Variants in SUZ12 observed in about 807,000 individuals in gnomAD.
The protein encoded by SUZ12 is polycomb protein SUZ12.
SUZ12 carries 17 observed loss-of-function variants against 87.3 expected under a neutral mutation model. The ratio of observed to expected loss-of-function variants is 0.19; its 90% CI spans 0.13 to 0.29. The LOEUF is 0.29. Among genes scored for constraint, SUZ12 ranks in the 10% least tolerant of loss-of-function variants. The pLI, the probability that SUZ12 is intolerant of heterozygous loss-of-function variation, is 1.00. For synonymous variants in SUZ12, 253 were observed against 312.4 expected, an observed-to-expected ratio of 0.81 and a Z score of 2.01; for missense variants, 526 against 912.2, an observed-to-expected ratio of 0.58 and a Z score of 5.45.
chr17:31,988,376 T>G lies in SUZ12; in HGVS notation c.1080T>G (p.Arg360=). ...SQGPTLQFTL[R]WTGETNDKST... is the part of the protein sequence containing the mutation. ...GACCTACGTTGCAGTTCACTCTTCG[T>G]TGGACAGGAGAGACCAATGATAAAT... is the stretch of plus-strand genomic sequence containing the variant. The change falls in exon 10 of 16, where the codon CGT becomes CGG. Residue 360 remains arginine (R), a synonymous_variant. Coordinates refer to ENST00000322652, the MANE Select transcript of SUZ12 (RefSeq NM_015355.4). 1 of 1,607,424 alleles carries G rather than the reference T, an allele frequency of 6.2e-7. No homozygotes were observed. The highest frequency in any genetic ancestry group is 8.5e-7 in the Non-Finnish European group (1 of 1,177,712).
chr17:31,943,340 T>C (rs1906418406), intron 3 of SUZ12, among the ~76,000 whole-genome samples: 1 of 152,172 alleles, frequency 6.6e-6, no homozygotes, highest in Non-Finnish European at 1.5e-5. Flanking sequence ...GTACTTAATT[T>C]TAAAAGAAAG....
chr17:31,999,150 AG>A lies in SUZ12; in HGVS notation c.*150del. 2 of 624,280 alleles carry A rather than the reference AG, an allele frequency of 3.2e-6. No homozygotes were observed. The highest frequency in any genetic ancestry group is 3.0e-5 in the East Asian group (1 of 33,542). The allele number at this position is 624,280 out of a possible 1,614,324, so 38.7% of individuals were successfully genotyped here. On this transcript the variant is annotated 3_prime_UTR_variant, in exon 16 of 16. Transcript: ENST00000322652. ...TGATTTCAACAAGGATATTTGTATC[AG>A]GGTTCTACTTCACTTCATTATGCAG...
intron 6 of SUZ12, 115 bp from the exon 7 acceptor site, chr17:31,975,367 A>G: frequency 4.5e-6 from 3 of 673,440 alleles, no homozygotes; most frequent in Non-Finnish European, 7.1e-6. Context: ...TTAACATTCC[A>G]TTTGGTGATC....
chr17:31,968,589 G>A (rs1243216824), intron 5 of SUZ12, among the ~76,000 whole-genome samples: 2 of 152,156 alleles, frequency 1.3e-5, no homozygotes, highest in Non-Finnish European at 2.9e-5. Context: ...AGCAGCTAAT[G>A]TAACTTCTAG....
chr17:31,966,839 C>T (rs1430318974), intron 5 of SUZ12: 1 of 152,126 alleles, frequency 6.6e-6, no homozygotes, highest in Non-Finnish European at 1.5e-5. Flanking sequence ...TGGTATATTA[C>T]TCCAGTAAAA....
chr17:31,993,726 G>A, intron 11 of SUZ12, 139 bp from the exon 12 acceptor site: 2 of 903,118 alleles, frequency 2.2e-6, no homozygotes, highest in South Asian at 3.7e-5. Context: ...CGCGTCACTG[G>A]GCATATTTAA....
chr17:31,971,815 C>T (rs368713297), intron 5 of SUZ12, among the ~76,000 whole-genome samples: 1 of 152,114 alleles, frequency 6.6e-6, no homozygotes, highest in South Asian at 2.1e-4. Context: ...AGTGTATTAT[C>T]ATAAATGTTA....
rs975180168 is a variant in SUZ12, at chr17:31,990,866, G to A, written c.1201+2369G>A. 4.6e-5 allele frequency among the ~76,000 whole-genome samples: 7 copies of A among 151,948 alleles called. No homozygotes were observed. In the South Asian group the frequency reaches 6.2e-4, roughly 14 times the overall value. On this transcript the variant is annotated intron_variant, in intron 10 of 15. Coordinates refer to ENST00000322652, the MANE Select transcript of SUZ12 (RefSeq NM_015355.4). ...AGGCTCAAGCGATCCTCCCACCTTA[G>A]CCCTCCATATAGATGGGACTACAGG...
At position 31,995,690 on chromosome 17, in the gene SUZ12, C is replaced by T. The variant is rs1474406140; in HGVS notation, c.1722C>T (p.Leu574=). The change falls in exon 14 of 16, where the codon CTC becomes CTT. Residue 574 remains leucine (L), a synonymous_variant. Transcript: ENST00000322652. ...TCCATAGTGATACCTGCTTACCTCT[C>T]CGTCCACAAGAAATGGAAGTAGATA... ...LYFHSDTCLP[L]RPQEMEVDSE... is the part of the protein sequence containing the mutation. 1.2e-6 allele frequency: 2 copies of T among 1,613,930 alleles called. No homozygotes were observed. The highest frequency in any genetic ancestry group is 2.7e-5 in the African/African-American group (2 of 74,898).
intron 4 of SUZ12, among the ~76,000 whole-genome samples, chr17:31,948,478 CAA>C (rs1445188814): frequency 1.3e-5 from 2 of 152,128 alleles, no homozygotes; most frequent in Non-Finnish European, 2.9e-5. Context: ...AAATTTGTCA[CAA>C]TGCATTTTTC....
intron 3 of SUZ12, among the ~76,000 whole-genome samples, chr17:31,945,845 A>C (rs1333187640): frequency 6.6e-6 from 1 of 152,210 alleles, no homozygotes; most frequent in Non-Finnish European, 1.5e-5. Flanking sequence ...CTTAATCATT[A>C]CATAAACATT....
chr17:31,966,158 A>G lies in SUZ12; in HGVS notation c.467A>G (p.His156Arg). 6.3e-7 allele frequency: 1 copy of G among 1,589,468 alleles called. No homozygotes were observed. The highest frequency in any genetic ancestry group is 1.2e-5 in the South Asian group (1 of 86,940). ...GEQESHSLSA[H>R]LQLTFTGFFH... ...TTTTTTTTTTTTAGCTTGTCAGCTC[A>G]TTTGCAGCTTACGTTTACTGGTTTC... The change falls in exon 5 of 16, where the codon CAT becomes CGT. Residue 156 changes from histidine (H) to arginine (R), a missense_variant. His to Arg is a conservative substitution (Grantham distance 29). Transcript: ENST00000322652.
chr17:31,965,555 T>G (rs1399157120), intron 4 of SUZ12: 1 of 152,228 alleles, frequency 6.6e-6, no homozygotes, highest in African/African-American at 2.4e-5. Flanking sequence ...AAATTATAGA[T>G]CTATACCAGA....
intron 10 of SUZ12, among the ~76,000 whole-genome samples, chr17:31,989,593 G>T (rs1005740877): frequency 6.7e-5 from 10 of 149,300 alleles, no homozygotes; most frequent in Non-Finnish European, 1.2e-4. Context: ...GTTTTTTTTT[G>T]TTTTTTTTGT....
At chr17:31,982,468 T>A (rs1288484596) in intron 8 of SUZ12, among the ~76,000 whole-genome samples, 1 of 152,186 alleles carries the variant, frequency 6.6e-6, no homozygotes, top group African/African-American at 2.4e-5. Context: ...AAGACCAGCC[T>A]GGCCAAGATG....
rs1567839781 is a variant in SUZ12 at position 31,995,549 on chromosome 17, A to C, written c.1596-15A>C. ...ATGTAGAGGCCATAAATCAACATTT[A>C]TTTCTTTTCATTAGGCCAAAACGAA... is the stretch of plus-strand genomic sequence containing the variant. On this transcript the variant is annotated splice_polypyrimidine_tract_variant and intron_variant, in intron 13 of 15. Transcript: ENST00000322652. 1.2e-6 allele frequency: 2 copies of C among 1,612,572 alleles called. No individual in the cohort carries two copies. Among genetic ancestry groups the C allele is most frequent in the Non-Finnish European group, 1.7e-6 (2 of 1,178,812 alleles).
chr17:31,938,948 C>G (rs983004542), intron 1 of SUZ12, among the ~76,000 whole-genome samples: 1 of 152,146 alleles, frequency 6.6e-6, no homozygotes, highest in African/African-American at 2.4e-5. Context: ...TGTAATTATT[C>G]ACATAGTTAT....
intron 8 of SUZ12, among the ~76,000 whole-genome samples, chr17:31,980,365 G>A (rs1400726938): frequency 7.7e-6 from 1 of 129,412 alleles, no homozygotes; most frequent in Non-Finnish European, 1.6e-5. Context: ...TCTGTGTCCT[G>A]TTTTGTTGCT....
rs1212601111 is a variant in SUZ12 at position 32,000,448 on chromosome 17, C to T, written c.*1445C>T. ...GTGATTTGTCATCCAGTATTAAGTTCTTAGTCATTGATTTTTGTGTTTAAA... is the reference window on the plus strand; with the variant it reads ...GTGATTTGTCATCCAGTATTAAGTTTTTAGTCATTGATTTTTGTGTTTAAA... On this transcript the variant is annotated 3_prime_UTR_variant, in exon 16 of 16. Coordinates refer to ENST00000322652, the MANE Select transcript of SUZ12 (RefSeq NM_015355.4). 2 of 232,128 alleles carry T rather than the reference C, an allele frequency of 8.6e-6. No homozygotes were observed. Among genetic ancestry groups the T allele is most frequent in the Non-Finnish European group, 1.7e-5 (2 of 117,662 alleles). 14.4% of individuals were successfully genotyped at this position (232,128 alleles called of 1,614,324 possible). A position where few individuals can be genotyped will look rare whatever the true frequency, so the allele number is the denominator to read the frequency against.
Sources: allele counts gnomAD v4.1 joint callset (sites outside exome capture counted in the v4.1 genomes callset), GRCh38; gene constraint gnomAD v4.1.1; transcripts MANE v1.5; gene names NCBI Gene and HGNC (gene_info 2026-07-23, HGNC 2026-07-21).